Variants in FGF2 observed in about 807,000 individuals in gnomAD.
The protein encoded by FGF2 is fibroblast growth factor 2.
A neutral mutation model predicts 15.9 loss-of-function variants in FGF2; 13 were observed. That is an observed-to-expected ratio of 0.82 (90% CI 0.53 to 1.30). FGF2 has a LOEUF of 1.30. FGF2 is among the 50% of genes most tolerant of loss of function. The pLI is 0.00. For synonymous variants in FGF2, 90 were observed against 78.4 expected (o/e 1.15, Z -0.78); for missense variants, 163 against 196.9 (o/e 0.83, Z 1.03).
chr4:122,851,461 C>G (rs1034202683), intron 1 of FGF2, among the ~76,000 whole-genome samples: 1 of 152,206 alleles, frequency 6.6e-6, no homozygotes, highest in South Asian at 2.1e-4. Flanking sequence ...CACACCAGCT[C>G]TGTCACTGGA....
At chr4:122,875,881 A>G (rs1244747955) in intron 1 of FGF2, among the ~76,000 whole-genome samples, 1 of 152,246 alleles carries the variant, frequency 6.6e-6, no homozygotes, top group Admixed American at 6.5e-5. Flanking sequence ...AGAATTGGCA[A>G]ATAACTTTTA....
Position 122,893,517 on chromosome 4 carries a change from T to C in FGF2, c.*1121T>C. The C allele has an allele frequency of 3.8e-6, 1 of 265,168 alleles. No homozygotes were observed. Among genetic ancestry groups the C allele is most frequent in the Non-Finnish European group, 7.0e-6 (1 of 142,994 alleles). The allele number at this position is 265,168 out of a possible 1,614,324, so 16.4% of individuals were successfully genotyped here. A position where few individuals can be genotyped will look rare whatever the true frequency, so the allele number is the denominator to read the frequency against. ...AGCTCTTTTTAACTTCTTGCTGCTCTTTTTCCCAAAAGGTAAAAATATAGA... is the reference window on the plus strand; with the variant it reads ...AGCTCTTTTTAACTTCTTGCTGCTCCTTTTCCCAAAAGGTAAAAATATAGA... On this transcript the variant is annotated 3_prime_UTR_variant, in exon 3 of 3. Transcript: ENST00000644866.
In FGF2 at chr4:122,893,532, A is replaced by G. The variant is rs1192207329; in HGVS notation, c.*1136A>G. 4 of 234,204 alleles carry G rather than the reference A, an allele frequency of 1.7e-5. No individual in the cohort carries two copies. Among genetic ancestry groups the G allele is most frequent in the Admixed American group, 5.4e-5 (1 of 18,630 alleles). The allele number at this position is 234,204 out of a possible 1,614,324, so 14.5% of individuals were successfully genotyped here. A position where few individuals can be genotyped will look rare whatever the true frequency, so the allele number is the denominator to read the frequency against. ...CTTGCTGCTCTTTTTCCCAAAAGGT[A>G]AAAATATAGATTGAAAAGTTAAAAC... On this transcript the variant is annotated 3_prime_UTR_variant, in exon 3 of 3. Transcript: ENST00000644866.
chr4:122,849,289 A>G (rs1010281471), intron 1 of FGF2, among the ~76,000 whole-genome samples: 2 of 152,244 alleles, frequency 1.3e-5, no homozygotes, highest in East Asian at 3.8e-4. Context: ...GGATGAGTTC[A>G]TGTCCTTTGC....
At chr4:122,888,128 C>G (rs902833828) in intron 2 of FGF2, among the ~76,000 whole-genome samples, 1 of 152,298 alleles carries the variant, frequency 6.6e-6, no homozygotes, top group African/African-American at 2.4e-5. Flanking sequence ...TAGCCCTCCC[C>G]ACCGCATTTG....
At chr4:122,871,134 T>C (rs1053292715) in intron 1 of FGF2, among the ~76,000 whole-genome samples, 22 of 152,202 alleles carry the variant, frequency 1.4e-4, no homozygotes, top group African/African-American at 5.3e-4. Context: ...TGTGTGGTTT[T>C]GAGTGAGTTT....
chr4:122,879,125 A>T (rs1395862603), intron 2 of FGF2, among the ~76,000 whole-genome samples: 1 of 152,178 alleles, frequency 6.6e-6, no homozygotes, highest in Non-Finnish European at 1.5e-5. Context: ...CAAAACATTA[A>T]CTACTTGGGA....
At chr4:122,871,939 A>C (rs1342660393) in intron 1 of FGF2, among the ~76,000 whole-genome samples, 1 of 151,960 alleles carries the variant, frequency 6.6e-6, no homozygotes, top group African/African-American at 2.4e-5. Flanking sequence ...AATGATGAAA[A>C]CCCAAAAGGC....
At chr4:122,854,064 G>T (rs1396740431) in intron 1 of FGF2, among the ~76,000 whole-genome samples, 4 of 152,160 alleles carry the variant, frequency 2.6e-5, no homozygotes, top group Admixed American at 2.0e-4. Flanking sequence ...TGTAGATAGA[G>T]CATAGAAGAT....
At chr4:122,835,798 G>A (rs1273238621) in intron 1 of FGF2, among the ~76,000 whole-genome samples, 2 of 151,988 alleles carry the variant, frequency 1.3e-5, no homozygotes, top group African/African-American at 4.8e-5. Context: ...ATTTCTTACT[G>A]TTTACCATCC....
chr4:122,840,995 T>C (rs1725973223), intron 1 of FGF2, among the ~76,000 whole-genome samples: 1 of 152,142 alleles, frequency 6.6e-6, no homozygotes, highest in Non-Finnish European at 1.5e-5. Context: ...TTGAGAATAC[T>C]GAAAAAGAAG....
At chr4:122,865,924 G>A (rs308388) in intron 1 of FGF2, among the ~76,000 whole-genome samples, 61,187 of 151,986 alleles carry the variant, frequency 0.4, 12,653 homozygotes, top group South Asian at 0.61. Flanking sequence ...ACTAAAACTT[G>A]GAGGAATGCA....
intron 1 of FGF2, among the ~76,000 whole-genome samples, chr4:122,834,434 C>T (rs1725823683): frequency 6.6e-6 from 1 of 152,148 alleles, no homozygotes; most frequent in Non-Finnish European, 1.5e-5. Context: ...CTTTTAAATT[C>T]TAGATTCTGC....
intron 2 of FGF2, among the ~76,000 whole-genome samples, chr4:122,885,222 A>G (rs1333399268): frequency 6.6e-6 from 1 of 152,210 alleles, no homozygotes; most frequent in African/African-American, 2.4e-5. Context: ...TCATTGAATT[A>G]TATTTTTATT....
Position 122,897,683 on chromosome 4 carries a change from A to G in FGF2, c.*5287A>G, listed in dbSNP as rs543736031. On this transcript the variant is annotated 3_prime_UTR_variant, in exon 3 of 3. Transcript: ENST00000644866. Reference sequence around the variant, plus strand: ...AAACTTCCACATATTTTTCAACTGCAGTATAAAGTCAGAAAATAAAGTTAA... The same window carrying G: ...AAACTTCCACATATTTTTCAACTGCGGTATAAAGTCAGAAAATAAAGTTAA... The G allele has an allele frequency of 1.9e-6, 3 of 1,595,166 alleles. No individual in the cohort carries two copies. In the African/African-American group the frequency reaches 4.0e-5, roughly 21 times the overall value.
chr4:122,861,415 C>T (rs1302844156), intron 1 of FGF2, among the ~76,000 whole-genome samples: 1 of 152,158 alleles, frequency 6.6e-6, no homozygotes, highest in Non-Finnish European at 1.5e-5. Context: ...GCTCCAACCA[C>T]CTCCAAGTTA....
intron 2 of FGF2, among the ~76,000 whole-genome samples, chr4:122,886,072 C>A (rs1727052462): frequency 6.6e-6 from 1 of 151,586 alleles, no homozygotes; most frequent in Non-Finnish European, 1.5e-5. Flanking sequence ...ATGCATGCCA[C>A]CATACTCTAC....
At position 122,895,588 on chromosome 4, in the gene FGF2, T is replaced by C. The variant is rs920939054; in HGVS notation, c.*3192T>C. ...CAGCAGATACTCTTCCTGCCAGTGGTAATACGATTTTTTAAGAAGGCAGTT... is the reference window on the plus strand; with the variant it reads ...CAGCAGATACTCTTCCTGCCAGTGGCAATACGATTTTTTAAGAAGGCAGTT... On this transcript the variant is annotated 3_prime_UTR_variant, in exon 3 of 3. Transcript: ENST00000644866. The C allele has an allele frequency of 6.6e-6, 1 of 152,200 alleles. No homozygotes were observed. The highest frequency in any genetic ancestry group is 6.5e-5 in the Admixed American group (1 of 15,270). The allele number at this position is 152,200 out of a possible 1,614,324, so 9.4% of individuals were successfully genotyped here.
At chr4:122,831,875 A>C (rs1430071085) in intron 1 of FGF2, among the ~76,000 whole-genome samples, 1 of 152,240 alleles carries the variant, frequency 6.6e-6, no homozygotes, top group African/African-American at 2.4e-5. Flanking sequence ...CATAATTTTA[A>C]AGTTTAATTA....
Sources: gnomAD v4.1 joint callset for allele counts (sites outside exome capture counted in the v4.1 genomes callset) on GRCh38, gnomAD v4.1.1 for gene constraint, MANE v1.5 for transcripts, NCBI Gene and HGNC (gene_info 2026-07-23, HGNC 2026-07-21) for gene names.